Variants in TRPA1 observed in about 807,000 individuals in gnomAD.
TRPA1 encodes transient receptor potential cation channel subfamily A member 1.
TRPA1 carries 129 observed loss-of-function variants against 131.3 expected under a neutral mutation model. The observed-to-expected ratio is 0.98, with a 90% CI of 0.85 to 1.14. The LOEUF (loss-of-function observed/expected upper bound fraction) is 1.14, where lower values mean the gene tolerates loss of function less well. Among genes scored for constraint, TRPA1 ranks in the 50% most tolerant of loss-of-function variants. The pLI is 0.00. For missense variants in TRPA1, 1,304 were observed against 1,354.2 expected, an observed-to-expected ratio of 0.96 and a Z score of 0.58; for synonymous variants, 441 against 451.7, an observed-to-expected ratio of 0.98 and a Z score of 0.30.
rs533978232 is a variant in TRPA1 at position 72,036,490 on chromosome 8, A to G, written c.2386-33T>C. 4.4e-6 allele frequency: 7 copies of G among 1,584,184 alleles called. No individual in the cohort carries two copies. In the South Asian group the frequency reaches 4.4e-5, roughly 10 times the overall value. ...AGAAAAGAATAAAAAATTACCACAT[A>G]TAGAGACCTAGCATCTATGGATGGT... is the stretch of plus-strand genomic sequence containing the variant. On this transcript the variant is annotated intron_variant, in intron 20 of 26. Transcript: ENST00000262209.
intron 17 of TRPA1, among the ~76,000 whole-genome samples, chr8:72,041,015 G>T (rs1158446408): frequency 6.6e-6 from 1 of 151,988 alleles, no homozygotes; most frequent in Non-Finnish European, 1.5e-5. Flanking sequence ...AAATTGAACG[G>T]ATGGAAAAAG....
At chr8:72,075,683 G>GCGC (rs1293350094), upstream of TRPA1, 1 of 496,500 alleles carries the variant, frequency 2.0e-6, no homozygotes, top group Non-Finnish European at 3.7e-6. Flanking sequence ...GAGGGCGGCG[G>GCGC]CGCCGCGTCT....
intron 20 of TRPA1, among the ~76,000 whole-genome samples, chr8:72,037,621 C>T (rs1247047934): frequency 6.6e-6 from 1 of 152,030 alleles, no homozygotes; most frequent in Non-Finnish European, 1.5e-5. Context: ...CAGATAACTT[C>T]TTTATAAACA....
At chr8:72,049,822 T>A (rs2129434932) in intron 15 of TRPA1, among the ~76,000 whole-genome samples, 1 of 152,284 alleles carries the variant, frequency 6.6e-6, no homozygotes, top group South Asian at 2.1e-4. Flanking sequence ...TTGGATAAAG[T>A]CATAATTCAA....
At chr8:72,036,218 A>G in intron 21 of TRPA1, 70 bp downstream of exon 21, 1 of 1,503,980 alleles carries the variant, frequency 6.6e-7, no homozygotes, top group South Asian at 1.2e-5. Context: ...AATTTACACC[A>G]GGTACAATAG....
Position 72,075,439 on chromosome 8 carries a change from G to T in TRPA1, c.-30C>A, listed in dbSNP as rs556753689. The stretch of plus-strand genomic sequence containing the variant: ...CCCACCCCGGACGCCACCTGGTGCA[G>T]CTGCTCACCACGCGCGCGGGCACCT... On this transcript the variant is annotated 5_prime_UTR_variant, in exon 1 of 27. It adds an upstream start codon to the 5' untranslated region. Coordinates refer to ENST00000262209, the MANE Select transcript of TRPA1 (RefSeq NM_007332.3). 11 of 1,560,064 alleles carry T rather than the reference G, an allele frequency of 7.1e-6. No individual in the cohort carries two copies. The highest frequency in any genetic ancestry group is 1.1e-5 in the South Asian group (1 of 90,138).
intron 8 of TRPA1, among the ~76,000 whole-genome samples, chr8:72,058,372 A>C (rs1805725388): frequency 6.6e-6 from 1 of 152,236 alleles, no homozygotes; most frequent in Non-Finnish European, 1.5e-5. Flanking sequence ...ATATATTTTT[A>C]AATGAATAAG....
At chr8:72,051,568 A>G (rs2129435090) in intron 14 of TRPA1, among the ~76,000 whole-genome samples, 2 of 152,308 alleles carry the variant, frequency 1.3e-5, no homozygotes, top group South Asian at 4.1e-4. Context: ...TGGATTGAAC[A>G]CTTTCATTAA....
chr8:72,075,280 C>A lies in TRPA1; in HGVS notation c.111+19G>T, dbSNP rs1297365808. 3.1e-6 allele frequency: 5 copies of A among 1,601,888 alleles called. No individual in the cohort carries two copies. Among genetic ancestry groups the A allele is most frequent in the East Asian group, 4.5e-5 (2 of 44,830 alleles). ...CCCGCACGTCGGAACCCCTCCAGAC[C>A]CGCGAGCCCCCAGAGTACCTTAAGC... On this transcript the variant is annotated intron_variant, in intron 1 of 26. Transcript: ENST00000262209.
intron 26 of TRPA1, chr8:72,023,546 G>T (rs1322292346): frequency 4.4e-5 from 19 of 436,514 alleles, no homozygotes; most frequent in Non-Finnish European, 7.1e-5. Flanking sequence ...GAAGAATACA[G>T]TTTATGATAC....
At position 72,022,962 on chromosome 8, in the gene TRPA1, T is replaced by G. The variant is rs1381196228; in HGVS notation, c.3304A>C (p.Arg1102=). 1.9e-6 allele frequency: 3 copies of G among 1,613,910 alleles called. No individual in the cohort carries two copies. Among genetic ancestry groups the G allele is most frequent in the Non-Finnish European group, 2.5e-6 (3 of 1,179,866 alleles). ...KKEQMEQRNS[R]WNTVLRAVKA... ...ACTGCTCTCAACACAGTATTCCATCTGCTATTCCTTTGTTCCATCTGCTCT... is the reference window on the plus strand; with the variant it reads ...ACTGCTCTCAACACAGTATTCCATCGGCTATTCCTTTGTTCCATCTGCTCT... Residue 1102 remains arginine, a synonymous_variant, in exon 27 of 27, where the codon AGA becomes CGA. Transcript: ENST00000262209.
chr8:72,046,970 CG>C (rs948798445), intron 16 of TRPA1, among the ~76,000 whole-genome samples, 177 bp downstream of exon 16: 1 of 151,634 alleles, frequency 6.6e-6, no homozygotes, highest in Non-Finnish European at 1.5e-5. Flanking sequence ...TTAAAATATT[CG>C]GGGAAAACTG....
chr8:72,089,618 G>A, the TRPA1 span, among the ~76,000 whole-genome samples: 1 of 152,050 alleles, frequency 6.6e-6, no homozygotes, highest in African/African-American at 2.4e-5. Flanking sequence ...CCAGTCTAGA[G>A]GAAACCTTTT....
chr8:72,066,047 C>A lies in TRPA1; in HGVS notation c.445-489G>T, dbSNP rs57489935. 4.5e-3 allele frequency among the ~76,000 whole-genome samples: 684 copies of A among 152,030 alleles called. 7 individuals are homozygous for A. The highest frequency in any genetic ancestry group is 0.015 in the African/African-American group (639 of 41,448). On this transcript the variant is annotated intron_variant, in intron 3 of 26. Coordinates refer to ENST00000262209, the MANE Select transcript of TRPA1 (RefSeq NM_007332.3). ...TTCTCCTCCAGTTATTTTTCTTTTA[C>A]CTGGATTGCAAGAATTTTGGGACAT... is the stretch of plus-strand genomic sequence containing the variant.
intron 24 of TRPA1, 152 bp from the exon 25 acceptor site, chr8:72,026,225 C>A (rs1436948118): frequency 1.1e-5 from 7 of 654,358 alleles, no homozygotes; most frequent in Non-Finnish European, 1.9e-5. Flanking sequence ...CTTTCTTATC[C>A]CCTAGCTCAC....
upstream of TRPA1, among the ~76,000 whole-genome samples, chr8:72,077,957 A>G (rs1346866127): frequency 2.0e-5 from 3 of 152,050 alleles, no homozygotes; most frequent in Non-Finnish European, 2.9e-5. Flanking sequence ...TTTATTATCA[A>G]ATTACAATTT....
At position 72,023,800 on chromosome 8, in the gene TRPA1, G is replaced by A; in HGVS notation, c.3149+14C>T. On this transcript the variant is annotated intron_variant, in intron 26 of 26. Transcript: ENST00000262209. ...TTAAATTTCTCAAGTACAGATAGAA[G>A]GAAAAATACATACCGGTATTTCTGC... is the stretch of plus-strand genomic sequence containing the variant. The A allele has an allele frequency of 7.0e-7, 1 of 1,428,740 alleles. No homozygotes were observed. Among genetic ancestry groups the A allele is most frequent in the Non-Finnish European group, 9.9e-7 (1 of 1,012,398 alleles). The allele number at this position is 1,428,740 out of a possible 1,614,324, so 88.5% of individuals were successfully genotyped here.
Position 72,065,529 on chromosome 8 carries a change from A to T in TRPA1, c.474T>A (p.Val158=). Residue 158 remains valine, a synonymous_variant, in exon 4 of 27, where the codon GTT becomes GTA. Transcript: ENST00000262209. ...TGTTTCCATTTTCTCCTTCCAAATTAACATCAATAGTTCTATGCTCAAGCA... is the reference window on the plus strand; with the variant it reads ...TGTTTCCATTTTCTCCTTCCAAATTTACATCAATAGTTCTATGCTCAAGCA... ...KVLLEHRTID[V]NLEGENGNTA... is the part of the protein sequence containing the mutation. 6.2e-7 allele frequency: 1 copy of T among 1,613,470 alleles called. No homozygotes were observed. The highest frequency in any genetic ancestry group is 1.7e-5 in the Admixed American group (1 of 59,982).
At chr8:72,065,093 G>A (rs1805899954) in intron 4 of TRPA1, among the ~76,000 whole-genome samples, 1 of 152,136 alleles carries the variant, frequency 6.6e-6, no homozygotes, top group African/African-American at 2.4e-5. Context: ...CTATTCAGAA[G>A]CTCAGAATCA....
Sources: gnomAD v4.1 joint callset for allele counts (sites outside exome capture counted in the v4.1 genomes callset) on GRCh38, gnomAD v4.1.1 for gene constraint, MANE v1.5 for transcripts, NCBI Gene and HGNC (gene_info 2026-07-23, HGNC 2026-07-21) for gene names.